Variants in CAMK4 observed in about 807,000 individuals in gnomAD.
CAMK4 encodes calcium/calmodulin-dependent protein kinase type IV.
A neutral mutation model predicts 44.9 loss-of-function variants in CAMK4; 22 were observed. That is an observed-to-expected ratio of 0.49 (90% CI 0.35 to 0.70). The LOEUF (loss-of-function observed/expected upper bound fraction) is 0.70, where lower values mean the gene tolerates loss of function less well. CAMK4 is among the 30% of genes least tolerant of loss of function. CAMK4 has a pLI of 0.01. For missense variants in CAMK4, 498 were observed against 586.8 expected (o/e 0.85, Z 1.56); for synonymous variants, 218 against 215.4 (o/e 1.01, Z -0.11).
intron 2 of CAMK4, among the ~76,000 whole-genome samples, chr5:111,370,382 ATTTG>A (rs1421928782): frequency 4.6e-5 from 7 of 152,166 alleles, no homozygotes; most frequent in African/African-American, 1.7e-4. Context: ...GTTAGAAAAT[ATTTG>A]TTTAATATAA....
intron 1 of CAMK4, among the ~76,000 whole-genome samples, chr5:111,278,387 T>G (rs1228216275): frequency 6.6e-6 from 1 of 152,026 alleles, no homozygotes; most frequent in Non-Finnish European, 1.5e-5. Flanking sequence ...TTTGTTTTTT[T>G]TACAGTGCAG....
intron 2 of CAMK4, among the ~76,000 whole-genome samples, chr5:111,369,366 A>G (rs1258035269): frequency 1.3e-5 from 2 of 152,146 alleles, no homozygotes; most frequent in East Asian, 3.9e-4. Flanking sequence ...CACCCAGCTG[A>G]TACAAAATTA....
At position 111,494,773 on chromosome 5, in the gene CAMK4, C is replaced by A. The variant is rs1214096935; in HGVS notation, c.*10307C>A. ...GGGCCAATGTTACTTGGTGTAAGTT[C>A]ACTCAGACAGACATGTCAGAACATG... On this transcript the variant is annotated 3_prime_UTR_variant, in exon 11 of 11. Coordinates refer to ENST00000282356, the MANE Select transcript of CAMK4 (RefSeq NM_001744.6). The A allele has an allele frequency of 6.6e-6, 1 of 152,120 alleles. No homozygotes were observed. Among genetic ancestry groups the A allele is most frequent in the Non-Finnish European group, 1.5e-5 (1 of 68,014 alleles). The allele number at this position is 152,120 out of a possible 1,614,324, so 9.4% of individuals were successfully genotyped here. A position where few individuals can be genotyped will look rare whatever the true frequency, so the allele number is the denominator to read the frequency against.
intron 5 of CAMK4, among the ~76,000 whole-genome samples, chr5:111,414,000 T>C (rs1351772811): frequency 6.6e-6 from 1 of 152,148 alleles, no homozygotes; most frequent in African/African-American, 2.4e-5. Context: ...AAATTATCTT[T>C]AAAACTTATG....
chr5:111,478,574 T>G, intron 9 of CAMK4, 67 bp downstream of exon 9: 14 of 741,114 alleles, frequency 1.9e-5, no homozygotes, highest in Non-Finnish European at 2.8e-5. Context: ...TAATGGGAAG[T>G]ACAATTTTTT....
intron 1 of CAMK4, among the ~76,000 whole-genome samples, chr5:111,281,947 A>C (rs1751036276): frequency 6.6e-6 from 1 of 151,336 alleles, no homozygotes; most frequent in Admixed American, 6.6e-5. Context: ...AGTCCCAGCT[A>C]CTCGGGAGGC....
intron 1 of CAMK4, among the ~76,000 whole-genome samples, chr5:111,340,361 A>G (rs936476295): frequency 4.0e-5 from 6 of 151,314 alleles, no homozygotes; most frequent in African/African-American, 1.5e-4. Context: ...GAATTGTCAT[A>G]TATGGCCTTT....
intron 7 of CAMK4, among the ~76,000 whole-genome samples, chr5:111,462,372 C>T (rs424210): frequency 0.66 from 99,956 of 151,772 alleles, 35,176 homozygotes; most frequent in Non-Finnish European, 0.79. Context: ...ATCCCCCACC[C>T]AGCTGTAAGC....
At chr5:111,246,645 GACAGTAAGGATCTTTACATCCTCCT>G (rs1229700619) in intron 1 of CAMK4, among the ~76,000 whole-genome samples, 1 of 152,088 alleles carries the variant, frequency 6.6e-6, no homozygotes, top group Non-Finnish European at 1.5e-5. Flanking sequence ...CATCATCCAG[GACAGTAAGGATCTTTACATCCTCCT>G]ATTGTTTAAT....
At chr5:111,464,254 A>G (rs140117201) in intron 7 of CAMK4, among the ~76,000 whole-genome samples, 1,714 of 152,074 alleles carry the variant, frequency 0.011, 39 homozygotes, top group African/African-American at 0.039. Context: ...GCTCGAAGAC[A>G]AAGTTTTTGG....
At chr5:111,379,089 A>T (rs1751320484) in intron 4 of CAMK4, among the ~76,000 whole-genome samples, 1 of 152,112 alleles carries the variant, frequency 6.6e-6, no homozygotes, top group Non-Finnish European at 1.5e-5. Context: ...AGCTCTCTCT[A>T]AGGAGACCTT....
chr5:111,328,649 A>C (rs1231144914), intron 1 of CAMK4, among the ~76,000 whole-genome samples: 1 of 151,948 alleles, frequency 6.6e-6, no homozygotes, highest in East Asian at 1.9e-4. Flanking sequence ...ATGAGCATGG[A>C]ATGTTCTTCC....
chr5:111,366,959 C>G (rs919273936), intron 2 of CAMK4, among the ~76,000 whole-genome samples: 3 of 151,714 alleles, frequency 2.0e-5, no homozygotes, highest in Middle Eastern at 3.4e-3. Context: ...CAGAAAAACC[C>G]CAGGTGCCCA....
chr5:111,492,758 T>A lies in CAMK4; in HGVS notation c.*8292T>A, dbSNP rs1197904594. 9.9e-5 allele frequency: 15 copies of A among 152,224 alleles called. 1 individual carries two copies. The highest frequency in any genetic ancestry group is 2.2e-4 in the Non-Finnish European group (15 of 68,054). The allele number at this position is 152,224 out of a possible 1,614,324, so 9.4% of individuals were successfully genotyped here. A position where few individuals can be genotyped will look rare whatever the true frequency, so the allele number is the denominator to read the frequency against. On this transcript the variant is annotated 3_prime_UTR_variant, in exon 11 of 11. Coordinates refer to ENST00000282356, the MANE Select transcript of CAMK4 (RefSeq NM_001744.6). The stretch of plus-strand genomic sequence containing the variant: ...TGCCATGGAGGAGTCAAAGATGAAT[T>A]AAATCCAATGCTATCCTCCAGGAGT...
At chr5:111,266,775 C>T (rs1193401592) in intron 1 of CAMK4, among the ~76,000 whole-genome samples, 1 of 152,244 alleles carries the variant, frequency 6.6e-6, no homozygotes, top group African/African-American at 2.4e-5. Context: ...ATAGCTCTAG[C>T]TAGGGGTGCC....
intron 1 of CAMK4, among the ~76,000 whole-genome samples, chr5:111,287,479 T>C (rs1751284751): frequency 6.6e-6 from 1 of 152,240 alleles, no homozygotes; most frequent in African/African-American, 2.4e-5. Flanking sequence ...TTATTCTGTC[T>C]TGAATTTAAT....
chr5:111,349,243 A>G (rs1166260811), intron 2 of CAMK4, among the ~76,000 whole-genome samples: 2 of 151,910 alleles, frequency 1.3e-5, no homozygotes, highest in Non-Finnish European at 2.9e-5. Flanking sequence ...TATCTTGTAT[A>G]TATTGTCTAA....
chr5:111,250,598 C>T (rs768125828), intron 1 of CAMK4, among the ~76,000 whole-genome samples: 10 of 152,196 alleles, frequency 6.6e-5, no homozygotes, highest in African/African-American at 1.9e-4. Context: ...AGAATGTCTT[C>T]ATCCCTGTAG....
intron 1 of CAMK4, among the ~76,000 whole-genome samples, chr5:111,316,803 C>A (rs755399926): frequency 2.0e-5 from 3 of 152,100 alleles, no homozygotes; most frequent in Non-Finnish European, 4.4e-5. Context: ...ATTGCATTTT[C>A]AAGAATAGGA....
Sources: gnomAD v4.1 joint callset for allele counts (sites outside exome capture counted in the v4.1 genomes callset) on GRCh38, gnomAD v4.1.1 for gene constraint, MANE v1.5 for transcripts, NCBI Gene and HGNC (gene_info 2026-07-23, HGNC 2026-07-21) for gene names.